Variants in FBXW11 observed in about 807,000 individuals in gnomAD.
FBXW11 encodes F-box and WD repeat domain containing 11.
A neutral mutation model predicts 77.6 loss-of-function variants in FBXW11; 19 were observed. The observed-to-expected ratio is 0.24, with a 90% confidence interval of 0.17 to 0.36. The LOEUF is 0.36. Among genes scored for constraint, FBXW11 ranks in the 10% least tolerant of loss-of-function variants. The pLI is 1.00. For synonymous variants in FBXW11, 235 were observed against 249.4 expected (o/e 0.94, Z 0.54); for missense variants, 334 against 704.2 (o/e 0.47, Z 5.95).
At chr5:171,975,076 G>A (rs1348248461) in intron 1 of FBXW11, among the ~76,000 whole-genome samples, 2 of 152,184 alleles carry the variant, frequency 1.3e-5, no homozygotes, top group African/African-American at 4.8e-5. Flanking sequence ...TTACAGGCGT[G>A]AGCCACCACG....
At position 171,863,345 on chromosome 5, in the gene FBXW11, G is replaced by A. The variant is rs1757199161; in HGVS notation, c.*782C>T. 6.5e-6 allele frequency: 1 copy of A among 152,682 alleles called. No individual in the cohort carries two copies. The highest frequency in any genetic ancestry group is 1.5e-5 in the Non-Finnish European group (1 of 68,054). 9.5% of individuals were successfully genotyped at this position (152,682 alleles called of 1,614,324 possible). ...AGCAACTTTGAGGTTAAACTGTTATGTACATTATATCTACATGCGAATACA... is the reference window on the plus strand; with the variant it reads ...AGCAACTTTGAGGTTAAACTGTTATATACATTATATCTACATGCGAATACA... On this transcript the variant is annotated 3_prime_UTR_variant, in exon 14 of 14. Coordinates refer to ENST00000517395, the MANE Select transcript of FBXW11 (RefSeq NM_001378974.1).
At chr5:171,997,291 T>C (rs908395012) in intron 1 of FBXW11, among the ~76,000 whole-genome samples, 3 of 152,246 alleles carry the variant, frequency 2.0e-5, no homozygotes, top group Non-Finnish European at 4.4e-5. Context: ...TATTTACTCA[T>C]GATAAACAGC....
intron 2 of FBXW11, among the ~76,000 whole-genome samples, chr5:171,928,212 GACTA>G (rs2113028018): frequency 6.6e-6 from 1 of 152,202 alleles, no homozygotes; most frequent in East Asian, 1.9e-4. Flanking sequence ...TAGAAAATAT[GACTA>G]ACTGAAAAGT....
intron 7 of FBXW11, among the ~76,000 whole-genome samples, chr5:171,888,562 G>A (rs1252984780): frequency 6.6e-6 from 1 of 152,210 alleles, no homozygotes; most frequent in Non-Finnish European, 1.5e-5. Context: ...TTGACTAACT[G>A]CTTAAAAACA....
At chr5:171,949,349 A>T (rs774015000) in intron 2 of FBXW11, among the ~76,000 whole-genome samples, 20 of 152,238 alleles carry the variant, frequency 1.3e-4, no homozygotes, top group Non-Finnish European at 2.1e-4. Context: ...GTATGCAGAC[A>T]ACTGATAGGT....
intron 4 of FBXW11, among the ~76,000 whole-genome samples, chr5:171,903,104 T>C (rs1053441738): frequency 5.9e-5 from 9 of 152,294 alleles, no homozygotes; most frequent in African/African-American, 2.2e-4. Context: ...CTTGGTACCA[T>C]TCTCAAAGGT....
At chr5:171,891,417 A>G (rs199568704) in intron 7 of FBXW11, 50 bp downstream of exon 7, 33 of 1,527,940 alleles carry the variant, frequency 2.2e-5, no homozygotes, top group East Asian at 2.3e-5. Context: ...CTAGTGTCTA[A>G]CACATAGCCA....
At chr5:171,864,320 C>T (rs1373844698) in intron 13 of FBXW11, among the ~76,000 whole-genome samples, 1 of 152,192 alleles carries the variant, frequency 6.6e-6, no homozygotes, top group Non-Finnish European at 1.5e-5. Flanking sequence ...ATGACACCTG[C>T]TTCACAAATA....
chr5:171,872,709 A>C (rs1757829776), intron 10 of FBXW11, among the ~76,000 whole-genome samples, 163 bp downstream of exon 10: 1 of 152,208 alleles, frequency 6.6e-6, no homozygotes, highest in Non-Finnish European at 1.5e-5. Context: ...CGGTTTTCCC[A>C]CTTGAGTATA....
intron 7 of FBXW11, among the ~76,000 whole-genome samples, chr5:171,878,828 A>G (rs751816475): frequency 1.3e-5 from 2 of 152,048 alleles, no homozygotes; most frequent in Non-Finnish European, 2.9e-5. Flanking sequence ...ATTAATGAAA[A>G]AGAATTGGCT....
intron 2 of FBXW11, among the ~76,000 whole-genome samples, chr5:171,935,804 AT>A (rs1380447682): frequency 6.6e-6 from 1 of 152,164 alleles, no homozygotes; most frequent in African/African-American, 2.4e-5. Context: ...TAAAACAATT[AT>A]GGCTCTAAGA....
intron 4 of FBXW11, among the ~76,000 whole-genome samples, chr5:171,902,816 G>A (rs1469329086): frequency 1.3e-5 from 2 of 152,154 alleles, no homozygotes; most frequent in Non-Finnish European, 2.9e-5. Flanking sequence ...TTGTCTATAG[G>A]AGCTATGTGA....
At chr5:171,872,794 T>C (rs1320539023) in intron 10 of FBXW11, 78 bp downstream of exon 10, 1 of 1,015,886 alleles carries the variant, frequency 9.8e-7, no homozygotes, top group African/African-American at 1.6e-5. Flanking sequence ...TGAGTTGTTT[T>C]GAGCATTAGA....
intron 2 of FBXW11, among the ~76,000 whole-genome samples, chr5:171,949,939 C>T (rs1392964788): frequency 6.6e-6 from 1 of 152,130 alleles, no homozygotes; most frequent in African/African-American, 2.4e-5. Context: ...TAAATGTGCA[C>T]ACTGTCTTAC....
chr5:171,978,895 T>C (rs1764992568), intron 1 of FBXW11, among the ~76,000 whole-genome samples: 1 of 152,218 alleles, frequency 6.6e-6, no homozygotes, highest in Non-Finnish European at 1.5e-5. Flanking sequence ...CCAATGTCAC[T>C]AGTAACTTAA....
intron 2 of FBXW11, among the ~76,000 whole-genome samples, chr5:171,934,301 TC>T (rs1243142591): frequency 6.6e-6 from 1 of 151,610 alleles, no homozygotes; most frequent in Non-Finnish European, 1.5e-5. Context: ...TTGACCTAAC[TC>T]AAAAAATAAA....
chr5:171,940,104 T>C (rs1762673583), intron 2 of FBXW11, among the ~76,000 whole-genome samples: 2 of 152,236 alleles, frequency 1.3e-5, no homozygotes, highest in African/African-American at 4.8e-5. Flanking sequence ...ATTGAATCCA[T>C]GGAATGCGGA....
At chr5:171,993,208 A>G (rs1213650440) in intron 1 of FBXW11, among the ~76,000 whole-genome samples, 7 of 151,994 alleles carry the variant, frequency 4.6e-5, no homozygotes. Context: ...GAGTCTTCCT[A>G]TATGAAGAGA....
intron 1 of FBXW11, among the ~76,000 whole-genome samples, chr5:172,002,133 TTCTAGAATTCACAGGCTCAAAC>T (rs1177578690): frequency 1.3e-5 from 2 of 152,292 alleles, no homozygotes; most frequent in Non-Finnish European, 2.9e-5. Context: ...ATAATTTTGT[TTCTAGAATTCACAGGCTCAAAC>T]AACACTAGTA....
Sources: gnomAD v4.1 joint callset for allele counts (sites outside exome capture counted in the v4.1 genomes callset) on GRCh38, gnomAD v4.1.1 for gene constraint, MANE v1.5 for transcripts, NCBI Gene and HGNC (gene_info 2026-07-23, HGNC 2026-07-21) for gene names.